Variants in RDH10 observed in about 807,000 individuals in gnomAD.
RDH10 encodes the protein retinol dehydrogenase 10.
Under a neutral mutation model 30.2 loss-of-function variants are expected in RDH10, and 12 were observed. That is an observed-to-expected ratio of 0.40 (90% CI 0.25 to 0.64). The LOEUF is 0.64. Ranked by LOEUF, RDH10 falls within the 30% of genes least tolerant of loss-of-function variation. RDH10 has a pLI of 0.43. For synonymous variants in RDH10, 189 were observed against 172.2 expected (o/e 1.10, Z -0.76); for missense variants, 268 against 445.2 (o/e 0.60, Z 3.58).
At chr8:73,315,064 G>A (rs1385848597) in intron 2 of RDH10, among the ~76,000 whole-genome samples, 1 of 151,838 alleles carries the variant, frequency 6.6e-6, no homozygotes, top group African/African-American at 2.4e-5. Flanking sequence ...ATAGCCCACA[G>A]TTGGAAAAGA....
At chr8:73,313,011 T>G (rs971573903) in intron 2 of RDH10, 2 of 152,228 alleles carry the variant, frequency 1.3e-5, no homozygotes, top group Admixed American at 1.3e-4. Context: ...CTAGAATTGC[T>G]TACAAATATG....
At chr8:73,322,519 G>A in intron 4 of RDH10, 160 bp from the exon 5 acceptor site, 1 of 658,412 alleles carries the variant, frequency 1.5e-6, no homozygotes, top group Non-Finnish European at 2.5e-6. Context: ...TGTGTTCATA[G>A]CAGGAAAATT....
intron 2 of RDH10, chr8:73,315,401 G>T: frequency 7.6e-6 from 2 of 264,214 alleles, no homozygotes; most frequent in Admixed American, 4.2e-5. Flanking sequence ...AGAATATGCA[G>T]CCATACTACC....
chr8:73,305,395 T>C (rs913468044), intron 2 of RDH10, among the ~76,000 whole-genome samples: 2 of 152,246 alleles, frequency 1.3e-5, no homozygotes, highest in African/African-American at 4.8e-5. Context: ...CCTTTACATT[T>C]AAGTTTTGTC....
Position 73,322,960 on chromosome 8 carries a change from C to T in RDH10, c.950C>T (p.Ala317Val). The T allele has an allele frequency of 6.2e-7, 1 of 1,613,870 alleles. No individual in the cohort carries two copies. The highest frequency in any genetic ancestry group is 8.5e-7 in the Non-Finnish European group (1 of 1,179,830). ...AVVCMYRFLG[A>V]DKCMYPFIAQ... ...GTGTGCATGTATCGGTTCCTAGGAG[C>T]GGACAAGTGTATGTACCCCTTTATT... Residue 317 changes from alanine to valine, a missense_variant, in exon 6 of 6, where the codon GCG becomes GTG. Physicochemically the swap from Ala to Val is moderately conservative, Grantham distance 64. This residue lies in a region of RDH10 where 136 missense variants were observed against 288.8 expected (regional missense o/e 0.47). Coordinates refer to ENST00000240285, the MANE Select transcript of RDH10 (RefSeq NM_172037.5).
intron 2 of RDH10, among the ~76,000 whole-genome samples, chr8:73,301,823 G>T (rs1184019970): frequency 6.6e-6 from 1 of 152,182 alleles, no homozygotes; most frequent in East Asian, 1.9e-4. Context: ...AACCAGGGCT[G>T]TCTCACCCTT....
In RDH10 at chr8:73,294,617, C is replaced by T. The variant is rs1311591992; in HGVS notation, c.-673C>T. ...GAGCCCGCTCAGAGCCGGCCCGGAG[C>T]GCTCTGACTTGCAAGCGGGCTGCGC... On this transcript the variant is annotated 5_prime_UTR_variant, in exon 1 of 6. Transcript: ENST00000240285. 3 of 298,670 alleles carry T rather than the reference C, an allele frequency of 1.0e-5. No individual in the cohort carries two copies. Among genetic ancestry groups the T allele is most frequent in the African/African-American group, 2.2e-5 (1 of 45,494 alleles). The allele number at this position is 298,670 out of a possible 1,614,324, so 18.5% of individuals were successfully genotyped here. A position where few individuals can be genotyped will look rare whatever the true frequency, so the allele number is the denominator to read the frequency against.
At position 73,294,785 on chromosome 8, in the gene RDH10, C is replaced by T; in HGVS notation, c.-505C>T. ...TCCCGGCGCTCCGCCGCCCCGCACCCCACTCTCCCACCCTCTCGCAACTTG... is the reference window on the plus strand; with the variant it reads ...TCCCGGCGCTCCGCCGCCCCGCACCTCACTCTCCCACCCTCTCGCAACTTG... On this transcript the variant is annotated 5_prime_UTR_variant, in exon 1 of 6. Transcript: ENST00000240285. 1 of 365,860 alleles carries T rather than the reference C, an allele frequency of 2.7e-6. No individual in the cohort carries two copies. The highest frequency in any genetic ancestry group is 4.9e-6 in the Non-Finnish European group (1 of 204,888). 22.7% of individuals were successfully genotyped at this position (365,860 alleles called of 1,614,324 possible).
chr8:73,295,676 G>A, intron 1 of RDH10, 98 bp downstream of exon 1: 3 of 1,231,510 alleles, frequency 2.4e-6, no homozygotes, highest in Non-Finnish European at 2.2e-6. Context: ...GGTCAGCCCC[G>A]CTGTGGAGGA....
rs1005451722 is a variant in RDH10, at chr8:73,294,744, C to G, written c.-546C>G. The G allele has an allele frequency of 9.0e-5, 33 of 367,492 alleles. No individual in the cohort carries two copies. Among genetic ancestry groups the G allele is most frequent in the Non-Finnish European group, 1.6e-4 (33 of 206,342 alleles). The allele number at this position is 367,492 out of a possible 1,614,324, so 22.8% of individuals were successfully genotyped here. On this transcript the variant is annotated 5_prime_UTR_variant, in exon 1 of 6. Coordinates refer to ENST00000240285, the MANE Select transcript of RDH10 (RefSeq NM_172037.5). ...GGCGTTGGGCAGCGCTTGCCTGCGCCGAGCGAGTCTCCCCTTCCCGGCGCT... is the reference window on the plus strand; with the variant it reads ...GGCGTTGGGCAGCGCTTGCCTGCGCGGAGCGAGTCTCCCCTTCCCGGCGCT...
At chr8:73,316,385 A>G (rs1218900109) in intron 2 of RDH10, among the ~76,000 whole-genome samples, 2 of 152,244 alleles carry the variant, frequency 1.3e-5, no homozygotes, top group Non-Finnish European at 2.9e-5. Flanking sequence ...ATTCTGTGAT[A>G]TAATACCCAT....
chr8:73,311,717 A>C (rs1192345179), intron 2 of RDH10: 1 of 152,256 alleles, frequency 6.6e-6, no homozygotes, highest in African/African-American at 2.4e-5. Context: ...TTATCTAAAG[A>C]GTGAATGTTT....
intron 3 of RDH10, among the ~76,000 whole-genome samples, chr8:73,320,170 A>G (rs1814740627): frequency 1.3e-5 from 2 of 152,200 alleles, no homozygotes. Context: ...CCTAAGCTAG[A>G]TTTGCCTTTA....
chr8:73,310,550 C>G (rs1483219652), intron 2 of RDH10, among the ~76,000 whole-genome samples: 2 of 152,222 alleles, frequency 1.3e-5, no homozygotes, highest in Non-Finnish European at 2.9e-5. Context: ...GAAGTAGTTA[C>G]TGGTCACTAG....
chr8:73,299,033 C>T (rs879458786), intron 2 of RDH10, among the ~76,000 whole-genome samples: 7 of 152,084 alleles, frequency 4.6e-5, no homozygotes, highest in African/African-American at 9.6e-5. Flanking sequence ...AGGCTGGTCT[C>T]GAACTCCTGA....
chr8:73,316,394 ATG>A (rs1425482506), intron 2 of RDH10, among the ~76,000 whole-genome samples: 1 of 152,226 alleles, frequency 6.6e-6, no homozygotes, highest in African/African-American at 2.4e-5. Context: ...TATAATACCC[ATG>A]TATAAATTAT....
In RDH10 at chr8:73,324,617, T is replaced by G. The variant is rs889138477; in HGVS notation, c.*1581T>G. On this transcript the variant is annotated 3_prime_UTR_variant, in exon 6 of 6. Coordinates refer to ENST00000240285, the MANE Select transcript of RDH10 (RefSeq NM_172037.5). Reference sequence around the variant, plus strand: ...CAGTGTTGTAAGGAAAATTATTGTGTTTTTTTTTATGATCATTATCCCACT... The same window carrying G: ...CAGTGTTGTAAGGAAAATTATTGTGGTTTTTTTTATGATCATTATCCCACT... The G allele has an allele frequency of 3.3e-5, 5 of 151,316 alleles. No homozygotes were observed. The highest frequency in any genetic ancestry group is 7.3e-5 in the African/African-American group (3 of 41,218). The allele number at this position is 151,316 out of a possible 1,614,324, so 9.4% of individuals were successfully genotyped here. A position where few individuals can be genotyped will look rare whatever the true frequency, so the allele number is the denominator to read the frequency against.
intron 4 of RDH10, chr8:73,322,328 T>C (rs1439439202): frequency 3.5e-6 from 1 of 283,846 alleles, no homozygotes. Flanking sequence ...CTTGGCATCT[T>C]GCTTGAGATT....
At chr8:73,321,212 GTT>G (rs1416183223) in intron 4 of RDH10, 135 bp downstream of exon 4, 2 of 862,130 alleles carry the variant, frequency 2.3e-6, no homozygotes, top group African/African-American at 3.4e-5. Context: ...GATTTGTAAA[GTT>G]TGTAAAATTG....
Sources: allele counts gnomAD v4.1 joint callset (sites outside exome capture counted in the v4.1 genomes callset), GRCh38; gene constraint gnomAD v4.1.1; regional missense constraint gnomAD v4.1.1; transcripts MANE v1.5; gene names NCBI Gene and HGNC (gene_info 2026-07-23, HGNC 2026-07-21).